MYO5A: variants seen among roughly 807,000 people sequenced by gnomAD.
MYO5A encodes myosin VA.
In MYO5A, 98 loss-of-function variants were observed where a neutral mutation model predicts 249.7. The observed-to-expected ratio is 0.39, with a 90% CI of 0.33 to 0.46. The LOEUF (loss-of-function observed/expected upper bound fraction) is 0.46, where lower values mean the gene tolerates loss of function less well. MYO5A is among the 20% of genes least tolerant of loss of function. MYO5A has a pLI of 0.98. For synonymous variants in MYO5A, 778 were observed against 810.6 expected, an observed-to-expected ratio of 0.96 and a Z score of 0.68; for missense variants, 1,696 against 2,308.8, an observed-to-expected ratio of 0.73 and a Z score of 5.44.
chr15:52,318,099 T>A (rs2038112268), intron 39 of MYO5A, among the ~76,000 whole-genome samples: 1 of 152,194 alleles, frequency 6.6e-6, no homozygotes, highest in Admixed American at 6.5e-5. Flanking sequence ...GAGTAACTAC[T>A]AAGACTTTGA....
intron 1 of MYO5A, among the ~76,000 whole-genome samples, chr15:52,515,620 A>G (rs1432823202): frequency 6.6e-6 from 1 of 152,228 alleles, no homozygotes; most frequent in Non-Finnish European, 1.5e-5. Flanking sequence ...AGACACAGAG[A>G]AATTAAATCA....
intron 20 of MYO5A, among the ~76,000 whole-genome samples, chr15:52,373,169 T>TA (rs1275045396): frequency 1.0e-4 from 15 of 150,748 alleles, no homozygotes; most frequent in African/African-American, 2.7e-4. Flanking sequence ...TTACATTTCC[T>TA]AAAAAAAAAT....
rs1037896523 is a variant in MYO5A at position 52,367,685 on chromosome 15, C to G, written c.3067-561G>C. ...ACTGAAGAGCTTTTGATTCTCCCATCTGATGTCAAGAAAGAGAATTTCTCT... is the reference window on the plus strand; with the variant it reads ...ACTGAAGAGCTTTTGATTCTCCCATGTGATGTCAAGAAAGAGAATTTCTCT... On this transcript the variant is annotated intron_variant, in intron 22 of 41. Transcript: ENST00000399233. Among the ~76,000 whole-genome samples the G allele has an allele frequency of 2.0e-5, 3 of 152,086 alleles. No homozygotes were observed. In the East Asian group the frequency reaches 5.8e-4, roughly 29 times the overall value.
chr15:52,380,292 C>T lies in MYO5A; in HGVS notation c.2013-384G>A, dbSNP rs185562597. The stretch of plus-strand genomic sequence containing the variant: ...CTCTACTAAAAACAGAAAAATTAGC[C>T]GAGCATGGTGGCATACACCTGTAAT... On this transcript the variant is annotated intron_variant, in intron 16 of 41. Coordinates refer to ENST00000399233, the MANE Select transcript of MYO5A (RefSeq NM_001382347.1). 5.3e-5 allele frequency among the ~76,000 whole-genome samples: 8 copies of T among 151,964 alleles called. No homozygotes were observed. The East Asian group carries it at 1.2e-3, about 22-fold the overall frequency.
intron 1 of MYO5A, among the ~76,000 whole-genome samples, chr15:52,497,221 C>T (rs1319833511): frequency 6.6e-6 from 1 of 152,038 alleles, no homozygotes; most frequent in African/African-American, 2.4e-5. Flanking sequence ...ATCAGCCTCC[C>T]AAAGTGTTGG....
intron 1 of MYO5A, among the ~76,000 whole-genome samples, chr15:52,454,375 A>G (rs2076078543): frequency 6.6e-6 from 1 of 152,156 alleles, no homozygotes; most frequent in Admixed American, 6.5e-5. Flanking sequence ...AGCAAACATT[A>G]ATAGGTCCAA....
chr15:52,491,408 T>C (rs1163638365), intron 1 of MYO5A, among the ~76,000 whole-genome samples: 1 of 152,236 alleles, frequency 6.6e-6, no homozygotes, highest in Non-Finnish European at 1.5e-5. Context: ...TTTGTTTTTA[T>C]AGAGTCTTTA....
chr15:52,480,957 C>T (rs1268953828), intron 1 of MYO5A, among the ~76,000 whole-genome samples: 1 of 152,196 alleles, frequency 6.6e-6, no homozygotes, highest in African/African-American at 2.4e-5. Flanking sequence ...GCACTTGCAG[C>T]TGGATTCATG....
chr15:52,422,640 C>A lies in MYO5A; in HGVS notation c.455+3190G>T, dbSNP rs369104955. Among the ~76,000 whole-genome samples the A allele has an allele frequency of 5.3e-5, 8 of 152,318 alleles. 1 individual carries two copies. In the East Asian group the frequency reaches 1.5e-3, roughly 29 times the overall value. On this transcript the variant is annotated intron_variant, in intron 4 of 41. Transcript: ENST00000399233. ...TGATCATCTTTTCCATGGATCAAGG[C>A]AATAACCTCCCAACTAGTCTCCTGG...
At chr15:52,432,553 A>C (rs991102081) in intron 2 of MYO5A, among the ~76,000 whole-genome samples, 2 of 152,202 alleles carry the variant, frequency 1.3e-5, no homozygotes, top group African/African-American at 2.4e-5. Context: ...AAAACTACTT[A>C]ATGACTTTGA....
chr15:52,367,267 C>G, intron 22 of MYO5A, 143 bp from the exon 23 acceptor site: 1 of 748,380 alleles, frequency 1.3e-6, no homozygotes, highest in Non-Finnish European at 2.3e-6. Context: ...AGTCACCTTA[C>G]AAACTTGCTC....
chr15:52,443,983 C>CAAA (rs1047600809), intron 1 of MYO5A, among the ~76,000 whole-genome samples: 1 of 142,620 alleles, frequency 7.0e-6, no homozygotes, highest in Non-Finnish European at 1.5e-5. Flanking sequence ...ACTCTGTCTC[C>CAAA]AAAAAAAAAA....
rs1474721284 is a variant in MYO5A, at chr15:52,336,444, GA to G, written c.4408+18del. ...CAAACCAAGACTCAGTGACCGTCTT[GA>G]AAAAAAGGTTTAAATACCTTCTAGT... On this transcript the variant is annotated intron_variant, in intron 34 of 41. Coordinates refer to ENST00000399233, the MANE Select transcript of MYO5A (RefSeq NM_001382347.1). 14 of 1,524,488 alleles carry G rather than the reference GA, an allele frequency of 9.2e-6. No homozygotes were observed. The highest frequency in any genetic ancestry group is 2.3e-5 in the East Asian group (1 of 43,992). The allele number at this position is 1,524,488 out of a possible 1,614,324, so 94.4% of individuals were successfully genotyped here. A position where few individuals can be genotyped will look rare whatever the true frequency, so the allele number is the denominator to read the frequency against.
In MYO5A at chr15:52,381,763, G is replaced by GTC. The variant is rs1166176936; in HGVS notation, c.2012+1326_2012+1327dup. On this transcript the variant is annotated intron_variant, in intron 16 of 41. Transcript: ENST00000399233. ...CATAGCACAAGGCCCCTCCTTTTGT[G>GTC]TCTCTCTCTCTCTCTCTCTCACACA... Among the ~76,000 whole-genome samples, 605 of 150,432 alleles carry GTC rather than the reference G, an allele frequency of 4.0e-3. 7 individuals carry two copies. The highest frequency in any genetic ancestry group is 0.013 in the East Asian group (67 of 5,100).
Position 52,308,913 on chromosome 15 carries a change from G to A in MYO5A, c.*4783C>T, listed in dbSNP as rs1567005056. 1 of 153,026 alleles carries A rather than the reference G, an allele frequency of 6.5e-6. No homozygotes were observed. The highest frequency in any genetic ancestry group is 6.5e-5 in the Admixed American group (1 of 15,294). 9.5% of individuals were successfully genotyped at this position (153,026 alleles called of 1,614,324 possible). ...CACGGCAATACAGATCCTCTTCAAC[G>A]CGCATGCACACGACACCCCTCCTAG... On this transcript the variant is annotated 3_prime_UTR_variant, in exon 42 of 42. Transcript: ENST00000399233.
intron 21 of MYO5A, among the ~76,000 whole-genome samples, chr15:52,370,712 T>G (rs757230150): frequency 1.3e-5 from 2 of 152,224 alleles, no homozygotes; most frequent in Non-Finnish European, 2.9e-5. Flanking sequence ...TCCTGATTCT[T>G]AATTCAGAAA....
chr15:52,517,938 A>G (rs2077528288), intron 1 of MYO5A, among the ~76,000 whole-genome samples: 1 of 152,162 alleles, frequency 6.6e-6, no homozygotes, highest in Non-Finnish European at 1.5e-5. Context: ...AATAATCCAG[A>G]TTAGCTACAA....
At chr15:52,393,414 GAC>G (rs1292237831) in intron 11 of MYO5A, among the ~76,000 whole-genome samples, 1 of 147,256 alleles carries the variant, frequency 6.8e-6, no homozygotes, top group Non-Finnish European at 1.5e-5. Context: ...TTTTTTTTGA[GAC>G]AGAGTCTTGC....
intron 1 of MYO5A, among the ~76,000 whole-genome samples, chr15:52,453,532 C>CA (rs2076060888): frequency 6.6e-6 from 1 of 151,990 alleles, no homozygotes; most frequent in South Asian, 2.1e-4. Flanking sequence ...AATAGGTACA[C>CA]AAAAAAACCT....
Sources: allele counts gnomAD v4.1 joint callset (sites outside exome capture counted in the v4.1 genomes callset), GRCh38; gene constraint gnomAD v4.1.1; transcripts MANE v1.5; gene names NCBI Gene and HGNC (gene_info 2026-07-23, HGNC 2026-07-21).